The following ADAMTS2 variants were observed in gnomAD, a reference collection of about 807,000 sequenced individuals.
The protein encoded by ADAMTS2 is A disintegrin and metalloproteinase with thrombospondin motifs 2.
In ADAMTS2, 50 loss-of-function variants were observed where a neutral mutation model predicts 123.0. That is an observed-to-expected ratio of 0.41 (90% CI 0.32 to 0.51). The LOEUF (loss-of-function observed/expected upper bound fraction) is 0.51. Ranked by LOEUF, ADAMTS2 falls within the 20% of genes least tolerant of loss-of-function variation. The pLI is 0.35. For synonymous variants in ADAMTS2, 678 were observed against 695.4 expected (o/e 0.98, Z 0.39); for missense variants, 1,494 against 1,705.2 (o/e 0.88, Z 2.18).
chr5:179,138,496 G>A (rs963149037), intron 11 of ADAMTS2, among the ~76,000 whole-genome samples: 3 of 152,218 alleles, frequency 2.0e-5, no homozygotes, highest in East Asian at 1.9e-4. Flanking sequence ...TGGAGAAGGC[G>A]GGCTGCGTTT....
At chr5:179,137,186 G>A (rs1359572687) in intron 12 of ADAMTS2, among the ~76,000 whole-genome samples, 3 of 152,196 alleles carry the variant, frequency 2.0e-5, no homozygotes, top group African/African-American at 7.2e-5. Flanking sequence ...TGAGGCAGCA[G>A]CTGCTGGGCT....
At chr5:179,165,935 C>G (rs886299096) in intron 5 of ADAMTS2, among the ~76,000 whole-genome samples, 6 of 152,160 alleles carry the variant, frequency 3.9e-5, no homozygotes, top group African/African-American at 1.4e-4. Flanking sequence ...AACAGATGAG[C>G]TTCCAAGAGG....
chr5:179,148,629 C>T (rs1763296259), intron 10 of ADAMTS2, among the ~76,000 whole-genome samples: 1 of 152,286 alleles, frequency 6.6e-6, no homozygotes, highest in Admixed American at 6.5e-5. Flanking sequence ...CCTCCTGTGT[C>T]CATGCCTGAG....
chr5:179,310,673 G>C lies in ADAMTS2; in HGVS notation c.534+33094C>G, dbSNP rs190555973. 1.2e-3 allele frequency among the ~76,000 whole-genome samples: 179 copies of C among 152,296 alleles called. 2 individuals are homozygous for C. The highest frequency in any genetic ancestry group is 8.7e-4 in the Non-Finnish European group (59 of 68,018). On this transcript the variant is annotated intron_variant, in intron 2 of 21. Coordinates refer to ENST00000251582, the MANE Select transcript of ADAMTS2 (RefSeq NM_014244.5). ...CTGAATCCAGGCCCCATCCAGACCA[G>C]CTGAACTAAAACCTGCATTTTGGCA...
chr5:179,329,871 A>C (rs1757433417), intron 2 of ADAMTS2, among the ~76,000 whole-genome samples: 1 of 152,162 alleles, frequency 6.6e-6, no homozygotes. Context: ...TCACGCCTGT[A>C]ATCCCAGCAC....
At chr5:179,207,413 C>T (rs1764723677) in intron 4 of ADAMTS2, 100 bp downstream of exon 4, 2 of 1,277,722 alleles carry the variant, frequency 1.6e-6, no homozygotes, top group African/African-American at 1.5e-5. Flanking sequence ...AGGAAATCGG[C>T]AGAGCCTCAG....
chr5:179,122,247 T>C (rs998639348), intron 20 of ADAMTS2, among the ~76,000 whole-genome samples: 1 of 152,176 alleles, frequency 6.6e-6, no homozygotes. Flanking sequence ...GTGACACATG[T>C]ATAGCGTTTG....
chr5:179,305,771 C>G (rs2113566784), intron 2 of ADAMTS2, among the ~76,000 whole-genome samples: 1 of 152,134 alleles, frequency 6.6e-6, no homozygotes, highest in East Asian at 1.9e-4. Context: ...ATATGAATTA[C>G]CAGTATCAGA....
At chr5:179,160,023 G>C (rs1295182064) in intron 5 of ADAMTS2, among the ~76,000 whole-genome samples, 1 of 152,148 alleles carries the variant, frequency 6.6e-6, no homozygotes, top group Non-Finnish European at 1.5e-5. Context: ...TGAGTCCTGG[G>C]CATGTTCTTT....
chr5:179,281,715 C>T (rs1561682387), intron 2 of ADAMTS2, among the ~76,000 whole-genome samples: 1 of 152,186 alleles, frequency 6.6e-6, no homozygotes, highest in Non-Finnish European at 1.5e-5. Context: ...CTGGGTCATA[C>T]AGTAACTGTG....
At chr5:179,238,307 G>T (rs1765578506) in intron 3 of ADAMTS2, among the ~76,000 whole-genome samples, 1 of 152,214 alleles carries the variant, frequency 6.6e-6, no homozygotes, top group South Asian at 2.1e-4. Flanking sequence ...CAGCTACTGT[G>T]TAGGGGCCAG....
At chr5:179,333,351 C>G (rs890246230) in intron 2 of ADAMTS2, among the ~76,000 whole-genome samples, 1 of 152,206 alleles carries the variant, frequency 6.6e-6, no homozygotes, top group Non-Finnish European at 1.5e-5. Flanking sequence ...TGTGAGCCCC[C>G]ACTCCCCACA....
chr5:179,292,175 G>A (rs556906464), intron 2 of ADAMTS2, among the ~76,000 whole-genome samples: 1 of 152,020 alleles, frequency 6.6e-6, no homozygotes, highest in East Asian at 1.9e-4. Flanking sequence ...AACGGAAGCC[G>A]GCATTCCCGG....
intron 5 of ADAMTS2, among the ~76,000 whole-genome samples, chr5:179,160,901 T>C (rs1404212755): frequency 2.6e-5 from 4 of 152,276 alleles, no homozygotes; most frequent in East Asian, 1.9e-4. Context: ...TAATTTCCCA[T>C]TGAGACCCTT....
chr5:179,193,554 T>C (rs4700788), intron 4 of ADAMTS2, among the ~76,000 whole-genome samples: 37,300 of 152,026 alleles, frequency 0.25, 7,634 homozygotes, highest in African/African-American at 0.52. Context: ...ACAGCCTCTG[T>C]CATAGAAGCG....
chr5:179,267,676 C>A (rs1038111055), intron 3 of ADAMTS2, among the ~76,000 whole-genome samples: 1 of 152,194 alleles, frequency 6.6e-6, no homozygotes, highest in Non-Finnish European at 1.5e-5. Flanking sequence ...CAATGGGGGA[C>A]CGTGTTTTGT....
At chr5:179,166,944 T>C (rs1418920414) in intron 5 of ADAMTS2, among the ~76,000 whole-genome samples, 2 of 152,020 alleles carry the variant, frequency 1.3e-5, no homozygotes, top group Non-Finnish European at 2.9e-5. Flanking sequence ...CGCTCAGTGA[T>C]GAAGGAATGA....
intron 3 of ADAMTS2, among the ~76,000 whole-genome samples, chr5:179,216,529 C>G (rs1203931138): frequency 6.6e-6 from 1 of 152,088 alleles, no homozygotes; most frequent in Non-Finnish European, 1.5e-5. Flanking sequence ...CGCGTGGTCC[C>G]CACCTGGGCC....
intron 18 of ADAMTS2, 120 bp from the exon 19 acceptor site, chr5:179,125,300 C>A: frequency 2.4e-6 from 2 of 848,492 alleles, no homozygotes; most frequent in Non-Finnish European, 3.9e-6. Context: ...GCAGCCTGCA[C>A]CCCTCCCCGG....
Sources: gnomAD v4.1 joint callset for allele counts (sites outside exome capture counted in the v4.1 genomes callset) on GRCh38, gnomAD v4.1.1 for gene constraint, MANE v1.5 for transcripts, NCBI Gene and HGNC (gene_info 2026-07-23, HGNC 2026-07-21) for gene names.